Variants in INPP5D observed in about 807,000 individuals in gnomAD.
INPP5D encodes the protein inositol polyphosphate-5-phosphatase D, also known as phosphatidylinositol 3,4,5-trisphosphate 5-phosphatase 1.
In INPP5D, 33 loss-of-function variants were observed where a neutral mutation model predicts 122.9. The observed-to-expected ratio is 0.27, with a 90% confidence interval of 0.20 to 0.36. The LOEUF is 0.36. Among genes scored for constraint, INPP5D ranks in the 10% least tolerant of loss-of-function variants. The pLI, the probability that INPP5D is intolerant of heterozygous loss-of-function variation, is 1.00. For synonymous variants in INPP5D, 584 were observed against 576.2 expected, an observed-to-expected ratio of 1.01 and a Z score of -0.19; for missense variants, 1,053 against 1,412.7, an observed-to-expected ratio of 0.75 and a Z score of 4.08.
intron 2 of INPP5D, among the ~76,000 whole-genome samples, chr2:233,106,654 A>T (rs1293450959): frequency 6.6e-6 from 1 of 152,226 alleles, no homozygotes; most frequent in Non-Finnish European, 1.5e-5. Context: ...CTCTTGGAGA[A>T]AGTGCAGAAA....
intron 11 of INPP5D, among the ~76,000 whole-genome samples, chr2:233,163,128 G>A (rs1694238780): frequency 6.6e-6 from 1 of 152,248 alleles, no homozygotes; most frequent in African/African-American, 2.4e-5. Flanking sequence ...GAGGAACAAA[G>A]TTTGCTCATC....
At chr2:233,076,657 T>C (rs1043688081) in intron 1 of INPP5D, among the ~76,000 whole-genome samples, 1 of 152,194 alleles carries the variant, frequency 6.6e-6, no homozygotes, top group African/African-American at 2.4e-5. Flanking sequence ...TATTGTAGCA[T>C]ATATCAGAGT....
intron 25 of INPP5D, among the ~76,000 whole-genome samples, chr2:233,201,138 C>G (rs188131297): frequency 6.6e-6 from 1 of 152,124 alleles, no homozygotes; most frequent in African/African-American, 2.4e-5. Context: ...TGGTCATTCC[C>G]TAAGAAACTT....
chr2:233,117,452 G>A (rs1248734218), intron 2 of INPP5D, among the ~76,000 whole-genome samples: 1 of 152,200 alleles, frequency 6.6e-6, no homozygotes, highest in Non-Finnish European at 1.5e-5. Flanking sequence ...GCAGCCAGAT[G>A]AGAGGAAAGT....
At chr2:233,075,511 G>A (rs1293012801) in intron 1 of INPP5D, among the ~76,000 whole-genome samples, 1 of 152,100 alleles carries the variant, frequency 6.6e-6, no homozygotes, top group Middle Eastern at 3.2e-3. Flanking sequence ...GATATTGTGT[G>A]TGTGTGTGTG....
At chr2:233,116,000 G>A (rs1424923759) in intron 2 of INPP5D, among the ~76,000 whole-genome samples, 2 of 152,142 alleles carry the variant, frequency 1.3e-5, no homozygotes. Context: ...GATCCTGCTG[G>A]AAGTCACCCA....
At chr2:233,080,473 G>C (rs1198565373) in intron 2 of INPP5D, among the ~76,000 whole-genome samples, 1 of 152,020 alleles carries the variant, frequency 6.6e-6, no homozygotes, top group Non-Finnish European at 1.5e-5. Context: ...CAGAGAGAGA[G>C]AGAGAGAGAT....
Position 233,071,234 on chromosome 2 carries a change from A to G in INPP5D, c.135-8101A>G, listed in dbSNP as rs143388546. Among the ~76,000 whole-genome samples the G allele has an allele frequency of 8.0e-4, 122 of 152,198 alleles. 2 individuals are homozygous for G. In the East Asian group the frequency reaches 0.021, roughly 26 times the overall value. On this transcript the variant is annotated intron_variant, in intron 1 of 26. Transcript: ENST00000445964. ...AACCCAGGAGGCAGAGGTTGCAGTG[A>G]GCCAAGATTGTGCCTCTCTACACTC...
chr2:233,198,715 C>G (rs1321243408), intron 25 of INPP5D, among the ~76,000 whole-genome samples: 1 of 151,540 alleles, frequency 6.6e-6, no homozygotes, highest in African/African-American at 2.4e-5. Context: ...CTTTGGGAGG[C>G]CAAAGCGGGT....
intron 9 of INPP5D, among the ~76,000 whole-genome samples, chr2:233,156,013 G>T (rs1439817463): frequency 1.6e-4 from 25 of 152,228 alleles, no homozygotes. Flanking sequence ...TTATTACATT[G>T]AAAGGATATA....
chr2:233,189,054 A>C lies in INPP5D; in HGVS notation c.2359-796A>C, dbSNP rs944109946. On this transcript the variant is annotated intron_variant, in intron 21 of 26. Transcript: ENST00000445964. The surrounding 1 kb of genome is among the most constrained non-coding windows in gnomAD (Gnocchi z 5.6). ...ACAGCCCCACATCTGAAAAAGTCAT[A>C]ACTCGTGGCAGACGAGGAGCTAGTG... 6.6e-6 allele frequency among the ~76,000 whole-genome samples: 1 copy of C among 152,152 alleles called. No homozygotes were observed. Among genetic ancestry groups the C allele is most frequent in the Non-Finnish European group, 1.5e-5 (1 of 68,022 alleles).
chr2:233,140,074 G>T, intron 6 of INPP5D, 145 bp downstream of exon 6: 1 of 388,202 alleles, frequency 2.6e-6, no homozygotes, highest in Non-Finnish European at 4.6e-6. Context: ...GCATGGGTTG[G>T]GGGTGGGAGC....
At chr2:233,112,588 T>A (rs1046514212) in intron 2 of INPP5D, among the ~76,000 whole-genome samples, 3 of 152,222 alleles carry the variant, frequency 2.0e-5, no homozygotes, top group African/African-American at 4.8e-5. Flanking sequence ...CTCATTGCTG[T>A]TGGAGTGTTG....
At chr2:233,201,481 G>A (rs1002096564) in intron 25 of INPP5D, among the ~76,000 whole-genome samples, 3 of 152,324 alleles carry the variant, frequency 2.0e-5, no homozygotes, top group East Asian at 3.9e-4. Flanking sequence ...CCAAGGAGGC[G>A]CTTGGAGCCT....
intron 17 of INPP5D, 30 bp downstream of exon 17, chr2:233,171,182 C>A: frequency 6.2e-7 from 1 of 1,610,788 alleles, no homozygotes; most frequent in South Asian, 1.1e-5. Context: ...ACCTTCCCTG[C>A]CCTCCATCTC....
intron 25 of INPP5D, among the ~76,000 whole-genome samples, chr2:233,201,010 A>G (rs192510978): frequency 4.0e-5 from 6 of 148,860 alleles, no homozygotes; most frequent in African/African-American, 1.2e-4. Flanking sequence ...ATAAATAAAT[A>G]GATGAGAGGA....
rs370522847 is a variant in INPP5D at position 233,122,266 on chromosome 2, G to A, written c.349+9G>A. 357 of 1,612,548 alleles carry A rather than the reference G, an allele frequency of 2.2e-4. No individual in the cohort carries two copies. The highest frequency in any genetic ancestry group is 2.9e-4 in the Non-Finnish European group (345 of 1,179,304). On this transcript the variant is annotated intron_variant, in intron 3 of 26. Transcript: ENST00000445964. ...CCCTGAGGAGGACACAGGTAGGGAG[G>A]GAGGGACAGGACGGCAGGAGGTACT...
At position 233,183,089 on chromosome 2, in the gene INPP5D, C is replaced by T. The variant is rs762166090; in HGVS notation, c.2161+590C>T. ...CCACAGTAAATAATATTTAGATTTG[C>T]AGGTAATTTTTCAAATAATCCAGCT... On this transcript the variant is annotated intron_variant, in intron 19 of 26. Transcript: ENST00000445964. This position sits in a 1 kb window ranked among gnomAD's most constrained non-coding sequence, Gnocchi z 4.6. 5.1e-4 allele frequency among the ~76,000 whole-genome samples: 78 copies of T among 152,214 alleles called. 1 individual carries two copies. The highest frequency in any genetic ancestry group is 6.2e-4 in the South Asian group (3 of 4,824).
intron 1 of INPP5D, among the ~76,000 whole-genome samples, chr2:233,060,856 G>GTAT (rs1315765599): frequency 6.6e-6 from 1 of 152,222 alleles, no homozygotes; most frequent in Non-Finnish European, 1.5e-5. Flanking sequence ...CCCATGAGCT[G>GTAT]TATGGACCTT....
Sources: allele counts gnomAD v4.1 joint callset (sites outside exome capture counted in the v4.1 genomes callset), GRCh38; gene constraint gnomAD v4.1.1; non-coding constraint Gnocchi (gnomAD v3.1); transcripts MANE v1.5; gene names NCBI Gene and HGNC (gene_info 2026-07-23, HGNC 2026-07-21).